SLC8A1: variants seen among roughly 807,000 people sequenced by gnomAD.
SLC8A1 encodes solute carrier family 8 member A1, also known as sodium/calcium exchanger 1.
In SLC8A1, 18 loss-of-function variants were observed where a neutral mutation model predicts 68.3. The observed-to-expected ratio is 0.26, with a 90% CI of 0.18 to 0.39. SLC8A1 has a LOEUF of 0.39. Ranked by LOEUF, SLC8A1 falls within the 10% of genes least tolerant of loss-of-function variation. SLC8A1 has a pLI of 1.00. For synonymous variants in SLC8A1, 475 were observed against 415.5 expected (o/e 1.14, Z -1.74); for missense variants, 985 against 1,156.7 (o/e 0.85, Z 2.15).
intron 2 of SLC8A1, among the ~76,000 whole-genome samples, chr2:40,363,481 A>G (rs1207188976): frequency 6.6e-6 from 1 of 152,152 alleles, no homozygotes; most frequent in Non-Finnish European, 1.5e-5. Context: ...AAGATTAGAG[A>G]TGATCAATGA....
intron 4 of SLC8A1, among the ~76,000 whole-genome samples, chr2:40,173,546 C>A (rs1324387266): frequency 6.6e-6 from 1 of 152,186 alleles, no homozygotes; most frequent in Non-Finnish European, 1.5e-5. Context: ...CCACATGAAA[C>A]TGCACATATT....
chr2:40,252,480 C>T (rs2062913379), intron 2 of SLC8A1, among the ~76,000 whole-genome samples: 1 of 151,956 alleles, frequency 6.6e-6, no homozygotes, highest in African/African-American at 2.4e-5. Flanking sequence ...TGACAGGCGC[C>T]CGCCACCAAG....
chr2:40,244,660 CT>C (rs33966122), intron 2 of SLC8A1, among the ~76,000 whole-genome samples: 21,550 of 60,694 alleles, frequency 0.36, 1,842 homozygotes, highest in Middle Eastern at 0.53. Context: ...TGATCGAGGC[CT>C]TTTCCTACTG....
chr2:40,512,304 A>T (rs903650585), intron 1 of SLC8A1: 3 of 152,324 alleles, frequency 2.0e-5, no homozygotes, highest in African/African-American at 7.2e-5. Context: ...AAATATTTGC[A>T]AATGATCCTT....
chr2:40,240,627 G>C (rs926234283), intron 2 of SLC8A1, among the ~76,000 whole-genome samples: 1 of 152,170 alleles, frequency 6.6e-6, no homozygotes, highest in Non-Finnish European at 1.5e-5. Context: ...AGATATATAA[G>C]CTATGCAAAG....
At chr2:40,356,515 A>G (rs1417395452) in intron 2 of SLC8A1, among the ~76,000 whole-genome samples, 1 of 151,976 alleles carries the variant, frequency 6.6e-6, no homozygotes, top group African/African-American at 2.4e-5. Flanking sequence ...TTTCATTAGA[A>G]GATACCAAGA....
intron 1 of SLC8A1, among the ~76,000 whole-genome samples, chr2:40,488,121 A>G (rs557186252): frequency 6.6e-6 from 1 of 152,180 alleles, no homozygotes; most frequent in East Asian, 1.9e-4. Flanking sequence ...AGGTGGATAG[A>G]CAGAATACTA....
intron 1 of SLC8A1, among the ~76,000 whole-genome samples, chr2:40,432,886 T>A (rs1323075132): frequency 6.6e-6 from 1 of 152,242 alleles, no homozygotes; most frequent in Admixed American, 6.5e-5. Flanking sequence ...AATTTATAAG[T>A]GATCCCAATA....
At chr2:40,201,914 A>C (rs2054442646) in intron 2 of SLC8A1, among the ~76,000 whole-genome samples, 2 of 151,958 alleles carry the variant, frequency 1.3e-5, no homozygotes, top group African/African-American at 2.4e-5. Context: ...CTTACAACCT[A>C]CATATCTATG....
At chr2:40,111,208 G>C (rs546563429) in exon 8 of SLC8A1, 1 of 152,156 alleles carries the variant, frequency 6.6e-6, no homozygotes, top group African/African-American at 2.4e-5. Flanking sequence ...CAGGAAATTT[G>C]AACCCATTAA....
chr2:40,217,999 C>T (rs541823151), intron 2 of SLC8A1, among the ~76,000 whole-genome samples: 2 of 151,840 alleles, frequency 1.3e-5, no homozygotes, highest in South Asian at 2.1e-4. Context: ...CCTACAGGAC[C>T]AATATTAAGA....
rs1449281449 is a variant in SLC8A1 at position 40,501,881 on chromosome 2, A to C, written c.-25+10468T>G. The stretch of plus-strand genomic sequence containing the variant: ...CCAGGTCTCAGATTATCTTATAACC[A>C]GGGAATCAAAGTGTCAAAGGAACTT... On this transcript the variant is annotated intron_variant, in intron 1 of 7. Coordinates refer to the SLC8A1 transcript ENST00000402441. Among the ~76,000 whole-genome samples, 6 of 152,068 alleles carry C rather than the reference A, an allele frequency of 3.9e-5. No homozygotes were observed. The East Asian group carries it at 1.2e-3, about 29-fold the overall frequency.
intron 7 of SLC8A1, among the ~76,000 whole-genome samples, chr2:40,130,556 A>T (rs1330086641): frequency 6.6e-6 from 1 of 152,238 alleles, no homozygotes; most frequent in Non-Finnish European, 1.5e-5. Flanking sequence ...CTGACTGCAG[A>T]TCTGAGGGTC....
intron 2 of SLC8A1, among the ~76,000 whole-genome samples, chr2:40,359,819 AC>A (rs1173696063): frequency 6.6e-6 from 1 of 152,110 alleles, no homozygotes; most frequent in African/African-American, 2.4e-5. Flanking sequence ...TGTGTGCTTT[AC>A]ATAGGATAAA....
chr2:40,353,912 G>C (rs985296185), intron 2 of SLC8A1, among the ~76,000 whole-genome samples: 1 of 152,176 alleles, frequency 6.6e-6, no homozygotes, highest in Admixed American at 6.5e-5. Flanking sequence ...CTTGGAAAAG[G>C]AAAAGGGAAG....
At chr2:40,185,529 G>C (rs1199826903) in intron 2 of SLC8A1, among the ~76,000 whole-genome samples, 1 of 152,166 alleles carries the variant, frequency 6.6e-6, no homozygotes, top group African/African-American at 2.4e-5. Context: ...TATAGGAAAA[G>C]TCCAGAATAG....
intron 2 of SLC8A1, among the ~76,000 whole-genome samples, chr2:40,315,352 T>G (rs1285818972): frequency 6.6e-6 from 1 of 151,814 alleles, no homozygotes; most frequent in Non-Finnish European, 1.5e-5. Flanking sequence ...ACGTAATTTC[T>G]AGAAAAATGG....
intron 2 of SLC8A1, among the ~76,000 whole-genome samples, chr2:40,215,643 C>CAAAAAAAAA (rs56191722): frequency 1.4e-5 from 1 of 69,926 alleles, no homozygotes; most frequent in African/African-American, 5.7e-5. Context: ...GACTCCGTCT[C>CAAAAAAAAA]AAAAAAAAAA....
chr2:40,440,332 T>C (rs1402878371), intron 1 of SLC8A1, among the ~76,000 whole-genome samples: 3 of 152,140 alleles, frequency 2.0e-5, no homozygotes, highest in African/African-American at 4.8e-5. Flanking sequence ...AAAGGAGCCA[T>C]TGAAAAAGGT....
Sources: gnomAD v4.1 joint callset for allele counts (sites outside exome capture counted in the v4.1 genomes callset) on GRCh38, gnomAD v4.1.1 for gene constraint, MANE v1.5 for transcripts, NCBI Gene and HGNC (gene_info 2026-07-23, HGNC 2026-07-21) for gene names.